Variants in FRMD4A observed in about 807,000 individuals in gnomAD.
The protein encoded by FRMD4A is FERM domain containing 4A, also known as FERM domain-containing protein 4A.
FRMD4A carries 29 observed loss-of-function variants against 129.1 expected under a neutral mutation model. The ratio of observed to expected loss-of-function variants is 0.22; its 90% CI spans 0.17 to 0.31. The LOEUF (loss-of-function observed/expected upper bound fraction) is 0.31, where lower values mean the gene tolerates loss of function less well. Among genes scored for constraint, FRMD4A ranks in the 10% least tolerant of loss-of-function variants. The pLI, the probability that FRMD4A is intolerant of heterozygous loss-of-function variation, is 1.00. For missense variants in FRMD4A, 1,272 were observed against 1,375.8 expected, an observed-to-expected ratio of 0.92 and a Z score of 1.19; for synonymous variants, 634 against 571.6, an observed-to-expected ratio of 1.11 and a Z score of -1.56.
chr10:13,664,872 G>C (rs939893531), intron 18 of FRMD4A, among the ~76,000 whole-genome samples: 1 of 152,036 alleles, frequency 6.6e-6, no homozygotes, highest in Non-Finnish European at 1.5e-5. Flanking sequence ...AACATGCCCA[G>C]CTTAACTATT....
At chr10:14,178,635 T>C (rs1008304813) in intron 2 of FRMD4A, among the ~76,000 whole-genome samples, 7 of 152,150 alleles carry the variant, frequency 4.6e-5, no homozygotes, top group African/African-American at 1.7e-4. Flanking sequence ...AATTGTCAGA[T>C]CATTAGGCAC....
At chr10:14,011,660 C>G (rs975995965) in intron 2 of FRMD4A, among the ~76,000 whole-genome samples, 1 of 152,052 alleles carries the variant, frequency 6.6e-6, no homozygotes, top group Non-Finnish European at 1.5e-5. Flanking sequence ...CCTGAGGGAC[C>G]GAGACATTGG....
At chr10:14,260,142 A>G (rs1353902403) in intron 2 of FRMD4A, among the ~76,000 whole-genome samples, 5 of 152,146 alleles carry the variant, frequency 3.3e-5, no homozygotes, top group African/African-American at 1.2e-4. Flanking sequence ...AGAAGAAGAC[A>G]TGATGTGTGC....
chr10:14,234,322 G>A (rs1466901232), intron 2 of FRMD4A, among the ~76,000 whole-genome samples: 1 of 152,104 alleles, frequency 6.6e-6, no homozygotes, highest in African/African-American at 2.4e-5. Context: ...TAAGTTCTGA[G>A]GCCACCCATC....
At position 14,073,486 on chromosome 10, in the gene FRMD4A, A is replaced by C. The variant is rs148420781; in HGVS notation, c.46-214574T>G. 1.0e-3 allele frequency among the ~76,000 whole-genome samples: 152 copies of C among 152,148 alleles called. 1 individual carries two copies. Among genetic ancestry groups the C allele is most frequent in the African/African-American group, 3.4e-3 (142 of 41,516 alleles). ...GGTTGGTTTTGTGGTTGTGTGGATA[A>C]ATCTAGACACCAAGGACCCTGGATA... On this transcript the variant is annotated intron_variant, in intron 2 of 24. Coordinates refer to ENST00000357447, the MANE Select transcript of FRMD4A (RefSeq NM_018027.5).
chr10:13,700,970 T>C (rs553732735), intron 14 of FRMD4A, among the ~76,000 whole-genome samples: 1 of 152,060 alleles, frequency 6.6e-6, no homozygotes, highest in East Asian at 1.9e-4. Flanking sequence ...ATTCCTTTTT[T>C]CTTTTCAAAA....
chr10:13,840,535 T>A (rs2093945976), intron 3 of FRMD4A, among the ~76,000 whole-genome samples: 1 of 152,012 alleles, frequency 6.6e-6, no homozygotes, highest in Non-Finnish European at 1.5e-5. Flanking sequence ...ATGTCTGTAA[T>A]CCCAGCACTT....
At chr10:14,181,630 G>C (rs1191446387) in intron 2 of FRMD4A, among the ~76,000 whole-genome samples, 1 of 152,124 alleles carries the variant, frequency 6.6e-6, no homozygotes, top group Non-Finnish European at 1.5e-5. Flanking sequence ...AATAAAAATT[G>C]CACATATTTC....
intron 2 of FRMD4A, among the ~76,000 whole-genome samples, chr10:14,113,427 C>T (rs1263311955): frequency 6.6e-6 from 1 of 152,150 alleles, no homozygotes. Flanking sequence ...ATTTTCTTTT[C>T]TCTAGCTTAC....
chr10:13,919,895 A>G (rs1035005904), intron 2 of FRMD4A, among the ~76,000 whole-genome samples: 6 of 152,158 alleles, frequency 3.9e-5, no homozygotes, highest in South Asian at 2.1e-4. Flanking sequence ...CTGAGATTGC[A>G]CCACTGCACT....
At chr10:13,650,399 C>G (rs1202419334) in intron 24 of FRMD4A, among the ~76,000 whole-genome samples, 3 of 152,004 alleles carry the variant, frequency 2.0e-5, no homozygotes, top group African/African-American at 7.3e-5. Context: ...TGCATGTGCA[C>G]ATGTATGCAT....
chr10:14,244,678 T>C (rs1844171506), intron 2 of FRMD4A, among the ~76,000 whole-genome samples: 2 of 152,246 alleles, frequency 1.3e-5, no homozygotes, highest in South Asian at 4.1e-4. Flanking sequence ...TAATCTAAAG[T>C]CCTACAATGA....
intron 2 of FRMD4A, among the ~76,000 whole-genome samples, chr10:14,132,154 C>A (rs1839294348): frequency 6.6e-6 from 1 of 152,076 alleles, no homozygotes; most frequent in Non-Finnish European, 1.5e-5. Flanking sequence ...GGCGTGGTGG[C>A]ACTTGCTGCT....
chr10:14,198,344 C>CA (rs367738941), intron 2 of FRMD4A, among the ~76,000 whole-genome samples: 1 of 152,292 alleles, frequency 6.6e-6, no homozygotes, highest in African/African-American at 2.4e-5. Flanking sequence ...GATGTTGAGG[C>CA]AACTGCCATG....
intron 3 of FRMD4A, among the ~76,000 whole-genome samples, chr10:13,841,110 A>C (rs2093958043): frequency 6.6e-6 from 1 of 152,304 alleles, no homozygotes; most frequent in African/African-American, 2.4e-5. Context: ...CCCCATCTAA[A>C]TAAGTAAGTA....
chr10:13,712,931 G>A (rs2134930515), intron 12 of FRMD4A, among the ~76,000 whole-genome samples: 1 of 152,372 alleles, frequency 6.6e-6, no homozygotes, highest in South Asian at 2.1e-4. Flanking sequence ...GAAGGCTGGG[G>A]CAGAGGAAGG....
At chr10:14,257,341 A>G (rs757463282) in intron 2 of FRMD4A, among the ~76,000 whole-genome samples, 2 of 152,220 alleles carry the variant, frequency 1.3e-5, no homozygotes, top group East Asian at 1.9e-4. Flanking sequence ...AAATAAAAAG[A>G]AAGTTAACAA....
chr10:13,897,118 C>T (rs967634495), intron 2 of FRMD4A, among the ~76,000 whole-genome samples: 2 of 152,170 alleles, frequency 1.3e-5, no homozygotes, highest in Non-Finnish European at 2.9e-5. Context: ...AGTGCTGCTT[C>T]GCTGACCAGC....
At chr10:14,246,610 C>T (rs148831244) in intron 2 of FRMD4A, among the ~76,000 whole-genome samples, 22 of 152,256 alleles carry the variant, frequency 1.4e-4, no homozygotes, top group East Asian at 3.9e-4. Context: ...CACATATGTG[C>T]GCACACACAC....
Sources: gnomAD v4.1 joint callset for allele counts (sites outside exome capture counted in the v4.1 genomes callset) on GRCh38, gnomAD v4.1.1 for gene constraint, MANE v1.5 for transcripts, NCBI Gene and HGNC (gene_info 2026-07-23, HGNC 2026-07-21) for gene names.